Variants in FRMPD4 observed in about 807,000 individuals in gnomAD.
FRMPD4 encodes the protein FERM and PDZ domain-containing protein 4.
A neutral mutation model predicts 94.1 loss-of-function variants in FRMPD4; 22 were observed. The ratio of observed to expected loss-of-function variants is 0.23; its 90% CI spans 0.17 to 0.33. The LOEUF (loss-of-function observed/expected upper bound fraction) is 0.33, where lower values mean the gene tolerates loss of function less well. Ranked by LOEUF, FRMPD4 falls within the 10% of genes least tolerant of loss-of-function variation. The pLI, the probability that FRMPD4 is intolerant of heterozygous loss-of-function variation, is 1.00. For missense variants in FRMPD4, 1,111 were observed against 1,339.9 expected, an observed-to-expected ratio of 0.83 and a Z score of 2.67; for synonymous variants, 631 against 548.6, an observed-to-expected ratio of 1.15 and a Z score of -2.10.
At chrX:12,284,182 A>G (rs960660077) in intron 1 of FRMPD4, among the ~76,000 whole-genome samples, 2 of 111,749 alleles carry the variant, frequency 1.8e-5, no homozygotes, top group African/African-American at 6.5e-5. Flanking sequence ...ACTTTGGGGA[A>G]GTATAATATG....
chrX:11,890,936 T>G (rs893033509), intron 3 of FRMPD4, among the ~76,000 whole-genome samples: 12 of 112,544 alleles, frequency 1.1e-4, no homozygotes, highest in Non-Finnish European at 1.5e-4. Flanking sequence ...CACAGGCATG[T>G]GACAGATGGT....
At position 12,528,479 on chromosome X, in the gene FRMPD4, C is replaced by A. The variant is rs1030029228; in HGVS notation, c.158+29683C>A. Among the ~76,000 whole-genome samples the A allele has an allele frequency of 3.7e-5, 4 of 109,320 alleles. No individual in the cohort carries two copies. In the Admixed American group the frequency reaches 3.9e-4, roughly 11 times the overall value. 94.9% of individuals were successfully genotyped at this position (109,320 alleles called of 115,157 possible). ...GGGACTACTGGCACCCACCACCACGCCCAGCTAATTTTTGTATTTTTAGTA... is the reference window on the plus strand; with the variant it reads ...GGGACTACTGGCACCCACCACCACGACCAGCTAATTTTTGTATTTTTAGTA... On this transcript the variant is annotated intron_variant, in intron 2 of 16. Transcript: ENST00000675598.
rs776976026 is a variant in FRMPD4, at chrX:12,640,648, T to C, written c.422+25767T>C. 7.1e-5 allele frequency among the ~76,000 whole-genome samples: 8 copies of C among 112,275 alleles called. No individual in the cohort carries two copies. In the South Asian group the frequency reaches 3.0e-3, roughly 42 times the overall value. On this transcript the variant is annotated intron_variant, in intron 4 of 16. Coordinates refer to ENST00000675598, the MANE Select transcript of FRMPD4 (RefSeq NM_001368397.1). The stretch of plus-strand genomic sequence containing the variant: ...CCCTATTATGATGGTTATTTCAATA[T>C]GTTTTGGTAGAGGGAATATGTTCCC...
chrX:11,874,504 C>T (rs28521411), intron 2 of FRMPD4, among the ~76,000 whole-genome samples: 2 of 110,908 alleles, frequency 1.8e-5, no homozygotes, highest in Non-Finnish European at 1.9e-5. Flanking sequence ...AGTAATCTAG[C>T]GATGATTTAA....
chrX:12,573,879 T>G (rs2058783185), intron 2 of FRMPD4, among the ~76,000 whole-genome samples: 1 of 113,036 alleles, frequency 8.8e-6, no homozygotes, highest in Non-Finnish European at 1.9e-5. Flanking sequence ...TCCAGCTATC[T>G]TCTATTGAGC....
At chrX:12,590,882 C>T (rs2058976077) in intron 2 of FRMPD4, among the ~76,000 whole-genome samples, 1 of 111,961 alleles carries the variant, frequency 8.9e-6, no homozygotes, top group African/African-American at 3.2e-5. Flanking sequence ...AGCATTTGTG[C>T]TATTGACATG....
chrX:11,958,133 C>A, intron 3 of FRMPD4, among the ~76,000 whole-genome samples: 1 of 111,754 alleles, frequency 8.9e-6, no homozygotes, highest in Admixed American at 9.5e-5. Flanking sequence ...GGCTACCAGA[C>A]CCATCTCTGG....
At chrX:12,484,850 A>AATT (rs1293197094) in intron 1 of FRMPD4, among the ~76,000 whole-genome samples, 1 of 112,214 alleles carries the variant, frequency 8.9e-6, no homozygotes, top group East Asian at 2.8e-4. Context: ...TCAGTCATTT[A>AATT]ATTTCTCTAC....
chrX:12,716,001 T>TGGGGCCCC, intron 14 of FRMPD4, 68 bp from the exon 15 acceptor site: 20 of 231,620 alleles, frequency 8.6e-5, no homozygotes, highest in East Asian at 2.5e-4. Flanking sequence ...GAGACGAGCC[T>TGGGGCCCC]CCCACCCCCG....
At chrX:12,625,271 GC>G (rs1032435612) in intron 4 of FRMPD4, among the ~76,000 whole-genome samples, 1 of 111,285 alleles carries the variant, frequency 9.0e-6, no homozygotes, top group Non-Finnish European at 1.9e-5. Context: ...ATATTATCCA[GC>G]AATATCACTA....
intron 2 of FRMPD4, among the ~76,000 whole-genome samples, chrX:12,520,566 A>T (rs2058151535): frequency 9.0e-6 from 1 of 111,522 alleles, no homozygotes; most frequent in Non-Finnish European, 1.9e-5. Flanking sequence ...CTGTCAGAAG[A>T]AGTAGTTTAA....
At chrX:12,383,774 G>A (rs761931953) in intron 1 of FRMPD4, among the ~76,000 whole-genome samples, 4 of 111,851 alleles carry the variant, frequency 3.6e-5, no homozygotes, top group East Asian at 2.8e-4. Context: ...AACACTTGAC[G>A]TGAAATAAAT....
intron 16 of FRMPD4, 109 bp from the exon 17 acceptor site, chrX:12,720,425 C>T: frequency 1.2e-6 from 1 of 834,513 alleles, no homozygotes; most frequent in Non-Finnish European, 1.8e-6. Context: ...GGCAGCCCTT[C>T]CAGACTACAA....
At chrX:11,823,675 G>A (rs2053424628) in intron 1 of FRMPD4, among the ~76,000 whole-genome samples, 1 of 111,626 alleles carries the variant, frequency 9.0e-6, no homozygotes, top group East Asian at 2.8e-4. Flanking sequence ...TAGACAATTC[G>A]TAAATAAATG....
At chrX:11,830,509 A>G (rs1279062192) in intron 1 of FRMPD4, among the ~76,000 whole-genome samples, 1 of 111,893 alleles carries the variant, frequency 8.9e-6, no homozygotes, top group Non-Finnish European at 1.9e-5. Context: ...AAGTTGTTTG[A>G]CTACAGCACT....
intron 1 of FRMPD4, among the ~76,000 whole-genome samples, chrX:12,431,317 G>T (rs17321740): frequency 0.022 from 2,481 of 112,144 alleles, 33 homozygotes; most frequent in Non-Finnish European, 0.036. Context: ...TGACAGCAGA[G>T]TTTCTATAAA....
At chrX:12,042,378 T>C (rs2147444067) in intron 3 of FRMPD4, among the ~76,000 whole-genome samples, 1 of 111,786 alleles carries the variant, frequency 8.9e-6, no homozygotes, top group Non-Finnish European at 1.9e-5. Context: ...TTAACTTGCT[T>C]AGACTATAGA....
At chrX:11,998,384 G>A (rs1484243722) in intron 3 of FRMPD4, among the ~76,000 whole-genome samples, 1 of 111,556 alleles carries the variant, frequency 9.0e-6, no homozygotes, top group Non-Finnish European at 1.9e-5. Context: ...CAGAACCAAA[G>A]GTTTTCTTTG....
Position 12,721,067 on chromosome X carries a change from G to A in FRMPD4, c.4498G>A (p.Gly1500Arg), listed in dbSNP as rs1602383544. The change falls in exon 17 of 17, where the codon GGA (glycine) becomes AGA (arginine). Residue 1500 changes from glycine to arginine, a missense_variant. This residue lies in a region of FRMPD4 where 551 missense variants were observed against 591.6 expected (regional missense o/e 0.93). Coordinates refer to ENST00000675598, the MANE Select transcript of FRMPD4 (RefSeq NM_001368397.1). ...KLEGSNWRCR[G>R]PFSYCFLNRG... ...GGAGGGCAGCAATTGGAGATGCCGG[G>A]GACCCTTCAGCTATTGCTTCCTGAA... The A allele has an allele frequency of 9.3e-6, 7 of 755,982 alleles. No homozygotes were observed. Among genetic ancestry groups the A allele is most frequent in the Non-Finnish European group, 1.1e-5 (7 of 638,877 alleles). 62.3% of individuals were successfully genotyped at this position (755,982 alleles called of 1,213,427 possible). A position where few individuals can be genotyped will look rare whatever the true frequency, so the allele number is the denominator to read the frequency against.
Sources: allele counts gnomAD v4.1 joint callset (sites outside exome capture counted in the v4.1 genomes callset), GRCh38; gene constraint gnomAD v4.1.1; regional missense constraint gnomAD v4.1.1; transcripts MANE v1.5; gene names NCBI Gene and HGNC (gene_info 2026-07-23, HGNC 2026-07-21).